PDE10A: variants seen among roughly 807,000 people sequenced by gnomAD.
PDE10A encodes the protein phosphodiesterase 10A.
In PDE10A, 39 loss-of-function variants were observed where a neutral mutation model predicts 97.7. That is an observed-to-expected ratio of 0.40 (90% CI 0.31 to 0.52). The LOEUF is 0.52. Among genes scored for constraint, PDE10A ranks in the 20% least tolerant of loss-of-function variants. PDE10A has a pLI of 0.56. For missense variants in PDE10A, 731 were observed against 1,047.8 expected, an observed-to-expected ratio of 0.70 and a Z score of 4.17; for synonymous variants, 371 against 376.8, an observed-to-expected ratio of 0.98 and a Z score of 0.18.
At position 165,661,925 on chromosome 6, in the gene PDE10A, G is replaced by T; in HGVS notation, c.865+22C>A. The T allele has an allele frequency of 1.1e-6, 1 of 878,460 alleles. No homozygotes were observed. The highest frequency in any genetic ancestry group is 1.5e-5 in the South Asian group (1 of 68,628). The allele number at this position is 878,460 out of a possible 1,614,324, so 54.4% of individuals were successfully genotyped here. On this transcript the variant is annotated intron_variant, in intron 1 of 21. Transcript: ENST00000539869. The surrounding 1 kb of genome is among the most constrained non-coding windows in gnomAD (Gnocchi z 4.8). ...GATGAGGAGCCGCCCCACCTCCGGG[G>T]AACGGGGAGCAGGCCACTTACTGGG...
chr6:165,706,016 C>A (rs185332379), intron 1 of PDE10A, among the ~76,000 whole-genome samples: 90 of 152,238 alleles, frequency 5.9e-4, no homozygotes, highest in African/African-American at 2.1e-3. Context: ...GTGTTCTCTG[C>A]GAAGGGCGGC....
chr6:165,457,488 G>A lies in PDE10A; in HGVS notation c.1024-7126C>T, dbSNP rs1354395669. 3.9e-5 allele frequency among the ~76,000 whole-genome samples: 6 copies of A among 152,054 alleles called. No homozygotes were observed. The South Asian group carries it at 6.2e-4, about 16-fold the overall frequency. On this transcript the variant is annotated intron_variant, in intron 3 of 21. Transcript: ENST00000539869. ...AGCTTCACAAAGATAAGACCTGAAC[G>A]ATAGAACTGTAGTGATCTAATATTA...
At chr6:165,791,751 A>T (rs956000928) in intron 1 of PDE10A, among the ~76,000 whole-genome samples, 2 of 152,184 alleles carry the variant, frequency 1.3e-5, no homozygotes, top group Non-Finnish European at 2.9e-5. Flanking sequence ...GGTCAGCTTG[A>T]CGTTCCTTTC....
chr6:165,932,994 G>A (rs117798302), intron 1 of PDE10A, among the ~76,000 whole-genome samples: 1,910 of 152,322 alleles, frequency 0.013, 28 homozygotes, highest in Non-Finnish European at 0.016. Flanking sequence ...GCTCCTGAGA[G>A]AGGCCTCTCC....
intron 3 of PDE10A, among the ~76,000 whole-genome samples, chr6:165,460,476 T>C (rs1360625789): frequency 6.6e-6 from 1 of 152,150 alleles, no homozygotes; most frequent in African/African-American, 2.4e-5. Context: ...GCTTATTGGG[T>C]AAATCAAATT....
rs557767591 is a variant in PDE10A, at chr6:165,725,108, C to T, written c.-614-181540G>A. Among the ~76,000 whole-genome samples, 38 of 152,276 alleles carry T rather than the reference C, an allele frequency of 2.5e-4. 1 individual carries two copies. Among genetic ancestry groups the T allele is most frequent in the Middle Eastern group, 6.8e-3 (2 of 294 alleles). ...TGAGCAGCCTGACTCCAGGGGAAGA[C>T]CACCTTCCCACTCCAGCCCTCTTCT... On this transcript the variant is annotated intron_variant, in intron 1 of 19. Transcript: ENST00000366882.
At chr6:165,596,153 C>G (rs1334040812) in intron 1 of PDE10A, among the ~76,000 whole-genome samples, 1 of 152,176 alleles carries the variant, frequency 6.6e-6, no homozygotes, top group Non-Finnish European at 1.5e-5. Context: ...TCCATCAAGG[C>G]TGAAACCCTG....
At chr6:165,642,686 C>T (rs1039723815) in intron 1 of PDE10A, among the ~76,000 whole-genome samples, 4 of 152,172 alleles carry the variant, frequency 2.6e-5, no homozygotes, top group South Asian at 2.1e-4. Context: ...TGTACCAGTC[C>T]GGCCTTTATG....
At position 165,388,284 on chromosome 6, in the gene PDE10A, G is replaced by T. The variant is rs115481950; in HGVS notation, c.2610+14C>A. The T allele has an allele frequency of 6.2e-7, 1 of 1,613,056 alleles. No homozygotes were observed. The highest frequency in any genetic ancestry group is 8.5e-7 in the Non-Finnish European group (1 of 1,179,378). ...CCCTTCAGACTAAGCGAGAGACGGC[G>T]TGCAGTGACTCACCTGGAGGATGGA... is the stretch of plus-strand genomic sequence containing the variant. On this transcript the variant is annotated intron_variant, in intron 17 of 21. Transcript: ENST00000539869. The surrounding 1 kb of genome is among the most constrained non-coding windows in gnomAD (Gnocchi z 4.0).
intron 2 of PDE10A, among the ~76,000 whole-genome samples, chr6:165,528,845 G>T (rs1782606111): frequency 6.6e-6 from 1 of 152,160 alleles, no homozygotes; most frequent in Non-Finnish European, 1.5e-5. Context: ...CACCAACTAG[G>T]TGACAATATT....
At chr6:165,890,616 T>C (rs1437934227) in intron 1 of PDE10A, among the ~76,000 whole-genome samples, 1 of 152,156 alleles carries the variant, frequency 6.6e-6, no homozygotes, top group Non-Finnish European at 1.5e-5. Flanking sequence ...ATTGTGCCCC[T>C]ACGTTTCTCA....
At chr6:165,506,537 G>A (rs959460410) in intron 2 of PDE10A, among the ~76,000 whole-genome samples, 2 of 152,066 alleles carry the variant, frequency 1.3e-5, no homozygotes, top group Admixed American at 6.6e-5. Flanking sequence ...TTGTGGGCAC[G>A]TTCAACACAT....
At chr6:165,905,966 T>A (rs1045056911) in intron 1 of PDE10A, among the ~76,000 whole-genome samples, 4 of 136,900 alleles carry the variant, frequency 2.9e-5, no homozygotes, top group Non-Finnish European at 6.4e-5. Context: ...TTGTTCCTTT[T>A]TACCTTCCCT....
chr6:165,765,520 T>C (rs2128458848), intron 1 of PDE10A, among the ~76,000 whole-genome samples: 1 of 152,354 alleles, frequency 6.6e-6, no homozygotes, highest in Admixed American at 6.5e-5. Context: ...CCGCAGCCGC[T>C]GGCCCGGGTG....
At chr6:165,786,670 A>G (rs902321541) in intron 1 of PDE10A, among the ~76,000 whole-genome samples, 9 of 152,166 alleles carry the variant, frequency 5.9e-5, no homozygotes, top group Non-Finnish European at 1.2e-4. Flanking sequence ...CCTGATTTCC[A>G]CGATGTCCTA....
At chr6:165,894,808 G>A (rs1583247553) in intron 1 of PDE10A, 3 of 240,764 alleles carry the variant, frequency 1.2e-5, no homozygotes, top group Middle Eastern at 1.2e-3. Context: ...GCTGCAAGCT[G>A]TCCTAAAACT....
chr6:165,464,112 T>C (rs1321595061), intron 3 of PDE10A, among the ~76,000 whole-genome samples: 4 of 152,224 alleles, frequency 2.6e-5, no homozygotes, highest in Admixed American at 2.6e-4. Flanking sequence ...CCATATTTCT[T>C]TGTGTGTGTC....
rs539775064 is a variant in PDE10A, at chr6:165,543,770, C to T, written c.866-202G>A. 4.6e-5 allele frequency among the ~76,000 whole-genome samples: 7 copies of T among 152,194 alleles called. No individual in the cohort carries two copies. In the East Asian group the frequency reaches 1.4e-3, roughly 29 times the overall value. On this transcript the variant is annotated intron_variant, in intron 1 of 21. Transcript: ENST00000539869. ...GTGACAGCAAAGTTTTGGAACTAGACAGGTGAATACTGCCCAACATTGGGA... is the reference window on the plus strand; with the variant it reads ...GTGACAGCAAAGTTTTGGAACTAGATAGGTGAATACTGCCCAACATTGGGA...
At chr6:165,701,745 A>G (rs564613589) in intron 1 of PDE10A, among the ~76,000 whole-genome samples, 13 of 151,554 alleles carry the variant, frequency 8.6e-5, no homozygotes, top group Non-Finnish European at 1.5e-4. Flanking sequence ...GTGTGTGTGC[A>G]TGTGTGTATG....
Sources: gnomAD v4.1 joint callset for allele counts (sites outside exome capture counted in the v4.1 genomes callset) on GRCh38, gnomAD v4.1.1 for gene constraint, Gnocchi (gnomAD v3.1) non-coding constraint, MANE v1.5 for transcripts, NCBI Gene and HGNC (gene_info 2026-07-23, HGNC 2026-07-21) for gene names.